GRM7: variants seen among roughly 807,000 people sequenced by gnomAD.
GRM7 encodes glutamate metabotropic receptor 7.
GRM7 carries 35 observed loss-of-function variants against 84.5 expected under a neutral mutation model. The ratio of observed to expected loss-of-function variants is 0.41; its 90% CI spans 0.32 to 0.55. The LOEUF (loss-of-function observed/expected upper bound fraction) is 0.55. Among genes scored for constraint, GRM7 ranks in the 20% least tolerant of loss-of-function variants. GRM7 has a pLI of 0.19. For missense variants in GRM7, 1,003 were observed against 1,194.6 expected (o/e 0.84, Z 2.36); for synonymous variants, 487 against 455.1 (o/e 1.07, Z -0.89).
At chr3:7,354,977 C>T (rs1166350890) in intron 4 of GRM7, among the ~76,000 whole-genome samples, 3 of 152,112 alleles carry the variant, frequency 2.0e-5, no homozygotes, top group South Asian at 2.1e-4. Flanking sequence ...TTTTCCCTTC[C>T]GCAAGATATC....
chr3:7,403,732 T>C (rs943609517), intron 4 of GRM7, among the ~76,000 whole-genome samples: 1 of 92,464 alleles, frequency 1.1e-5, no homozygotes, highest in Admixed American at 9.9e-5. Context: ...GATGAGAATA[T>C]CTGTGTATAT....
intron 8 of GRM7, among the ~76,000 whole-genome samples, chr3:7,625,818 A>G (rs1575568751): frequency 1.3e-5 from 2 of 152,320 alleles, no homozygotes; most frequent in Admixed American, 1.3e-4. Context: ...GTTCAAAGGT[A>G]GGACTTCTAA....
intron 2 of GRM7, among the ~76,000 whole-genome samples, chr3:7,289,800 T>C (rs947235556): frequency 1.4e-5 from 2 of 138,318 alleles, no homozygotes; most frequent in African/African-American, 5.5e-5. Context: ...TAGGTGGGAA[T>C]TGAACAATGA....
chr3:7,083,235 C>T (rs1408026005), intron 1 of GRM7, among the ~76,000 whole-genome samples: 1 of 152,126 alleles, frequency 6.6e-6, no homozygotes, highest in Non-Finnish European at 1.5e-5. Context: ...CCTGATTAGT[C>T]AGCAGCCAAC....
chr3:7,005,726 T>C (rs1206267396), intron 1 of GRM7, among the ~76,000 whole-genome samples: 1 of 152,192 alleles, frequency 6.6e-6, no homozygotes, highest in Non-Finnish European at 1.5e-5. Context: ...TTACTTCAGA[T>C]ACAGAAAAAT....
intron 1 of GRM7, among the ~76,000 whole-genome samples, chr3:6,938,258 T>C (rs1348891745): frequency 6.6e-6 from 1 of 152,242 alleles, no homozygotes; most frequent in Admixed American, 6.5e-5. Context: ...GGTCTGGCAT[T>C]GTTATTATCA....
chr3:7,306,012 A>T (rs1342849347), intron 3 of GRM7, among the ~76,000 whole-genome samples: 2 of 152,180 alleles, frequency 1.3e-5, no homozygotes, highest in African/African-American at 4.8e-5. Flanking sequence ...TTCATGTTTC[A>T]CATGGAGTTC....
rs184482893 is a variant in GRM7 at position 7,055,519 on chromosome 3, A to G, written c.520-90933A>G. The stretch of plus-strand genomic sequence containing the variant: ...TGTGTGTGTGTGTATGTATATATAT[A>G]TATACATACACACACATTTAAGACA... On this transcript the variant is annotated intron_variant, in intron 1 of 9. Transcript: ENST00000357716. Among the ~76,000 whole-genome samples the G allele has an allele frequency of 9.7e-3, 1,454 of 149,380 alleles. 13 individuals are homozygous for G. The highest frequency in any genetic ancestry group is 0.017 in the Non-Finnish European group (1,128 of 67,604).
chr3:7,203,029 C>T (rs1246645336), intron 2 of GRM7, among the ~76,000 whole-genome samples: 2 of 152,138 alleles, frequency 1.3e-5, no homozygotes, highest in East Asian at 1.9e-4. Context: ...AGGAGGTATC[C>T]ATCACCTTTC....
At chr3:7,144,069 A>C (rs1694033527) in intron 1 of GRM7, among the ~76,000 whole-genome samples, 1 of 152,186 alleles carries the variant, frequency 6.6e-6, no homozygotes, top group Non-Finnish European at 1.5e-5. Flanking sequence ...GCAGTCTGAG[A>C]GTGACCAGTA....
intron 9 of GRM7, 94 bp downstream of exon 9, chr3:7,680,389 A>T: frequency 7.5e-7 from 1 of 1,336,742 alleles, no homozygotes; most frequent in Non-Finnish European, 1.1e-6. Context: ...AAATACTGTG[A>T]TCGTTCTTGT....
intron 1 of GRM7, among the ~76,000 whole-genome samples, chr3:7,021,460 G>C (rs962059856): frequency 6.6e-6 from 1 of 152,256 alleles, no homozygotes; most frequent in Non-Finnish European, 1.5e-5. Context: ...ACCTAGAAAA[G>C]GTCACTTATG....
At chr3:7,466,997 A>C (rs1698485652) in intron 7 of GRM7, among the ~76,000 whole-genome samples, 1 of 152,234 alleles carries the variant, frequency 6.6e-6, no homozygotes, top group Non-Finnish European at 1.5e-5. Flanking sequence ...TTAATATATA[A>C]AATCATGTAT....
At chr3:7,145,965 A>C (rs990577073) in intron 1 of GRM7, among the ~76,000 whole-genome samples, 1 of 152,202 alleles carries the variant, frequency 6.6e-6, no homozygotes, top group Non-Finnish European at 1.5e-5. Context: ...AATGCTTGTG[A>C]CTTACTTAGC....
intron 9 of GRM7, among the ~76,000 whole-genome samples, chr3:7,686,080 T>C (rs952197589): frequency 6.6e-6 from 1 of 152,054 alleles, no homozygotes; most frequent in African/African-American, 2.4e-5. Flanking sequence ...TCTGAGCAGA[T>C]AGATAAATTA....
chr3:7,727,856 C>CA (rs779956872), intron 9 of GRM7, among the ~76,000 whole-genome samples: 49 of 152,306 alleles, frequency 3.2e-4, no homozygotes, highest in Non-Finnish European at 5.1e-4. Flanking sequence ...GCCAAGATCC[C>CA]AACATACACA....
chr3:7,297,153 C>T (rs1559214401), intron 2 of GRM7, among the ~76,000 whole-genome samples: 1 of 152,044 alleles, frequency 6.6e-6, no homozygotes, highest in Non-Finnish European at 1.5e-5. Flanking sequence ...TCCATCTAAA[C>T]ACTGCTTTAT....
chr3:7,501,815 G>T (rs1699893042), intron 7 of GRM7, among the ~76,000 whole-genome samples: 1 of 152,136 alleles, frequency 6.6e-6, no homozygotes, highest in Admixed American at 6.5e-5. Flanking sequence ...CAATGCAATG[G>T]AAATAAACAA....
Position 7,098,661 on chromosome 3 carries a change from A to T in GRM7, c.520-47791A>T, listed in dbSNP as rs997714367. 2.0e-5 allele frequency among the ~76,000 whole-genome samples: 3 copies of T among 152,184 alleles called. No homozygotes were observed. The East Asian group carries it at 5.8e-4, about 29-fold the overall frequency. On this transcript the variant is annotated intron_variant, in intron 1 of 9. Coordinates refer to ENST00000357716, the MANE Select transcript of GRM7 (RefSeq NM_000844.4). ...TTTACTCTTCAGTAGGACTATAATT[A>T]TAGCTCTAGCAGAGAAAGCTGTTAA...
Sources: gnomAD v4.1 joint callset for allele counts (sites outside exome capture counted in the v4.1 genomes callset) on GRCh38, gnomAD v4.1.1 for gene constraint, MANE v1.5 for transcripts, NCBI Gene and HGNC (gene_info 2026-07-23, HGNC 2026-07-21) for gene names.